The following CALN1 variants were observed in gnomAD, a reference collection of about 807,000 sequenced individuals.
CALN1 encodes the protein calcium-binding protein 8.
CALN1 carries 17 observed loss-of-function variants against 30.6 expected under a neutral mutation model. The ratio of observed to expected loss-of-function variants is 0.56; its 90% CI spans 0.38 to 0.83. The LOEUF (loss-of-function observed/expected upper bound fraction) is 0.83. Among genes scored for constraint, CALN1 ranks in the 40% least tolerant of loss-of-function variants. The pLI is 0.00. For synonymous variants in CALN1, 156 were observed against 131.4 expected (o/e 1.19, Z -1.28); for missense variants, 291 against 354.9 (o/e 0.82, Z 1.45).
chr7:71,840,957 GA>G (rs55849991), intron 5 of CALN1, among the ~76,000 whole-genome samples: 46,610 of 144,518 alleles, frequency 0.32, 7,750 homozygotes, highest in Middle Eastern at 0.47. Context: ...TTTTTCTTTG[GA>G]AAAAAAAAAA....
chr7:72,125,799 CTTTTTT>C (rs61475416), intron 3 of CALN1, among the ~76,000 whole-genome samples: 3 of 114,772 alleles, frequency 2.6e-5, no homozygotes, highest in African/African-American at 6.7e-5. Context: ...CTGTATCATT[CTTTTTT>C]TTTTTTTTTT....
At chr7:72,344,245 T>G (rs1000600189) in intron 2 of CALN1, among the ~76,000 whole-genome samples, 1 of 152,222 alleles carries the variant, frequency 6.6e-6, no homozygotes, top group African/African-American at 2.4e-5. Flanking sequence ...ACCCCCACCA[T>G]GGGCTATCTG....
chr7:72,247,288 A>C (rs1795254560), intron 3 of CALN1, among the ~76,000 whole-genome samples: 1 of 115,248 alleles, frequency 8.7e-6, no homozygotes, highest in African/African-American at 3.5e-5. Flanking sequence ...TCACTCTGTC[A>C]CCCAGGCTGG....
At chr7:72,060,432 G>C (rs1439186281) in intron 4 of CALN1, among the ~76,000 whole-genome samples, 2 of 152,132 alleles carry the variant, frequency 1.3e-5, no homozygotes, top group African/African-American at 4.8e-5. Context: ...ATAAATGGTA[G>C]TACCAAGGAG....
At chr7:71,883,280 T>G (rs1792695465) in intron 5 of CALN1, among the ~76,000 whole-genome samples, 1 of 152,152 alleles carries the variant, frequency 6.6e-6, no homozygotes, top group Admixed American at 6.6e-5. Context: ...AATAACTGAA[T>G]GAACAATTAT....
At chr7:71,999,854 C>T (rs187100805) in intron 5 of CALN1, among the ~76,000 whole-genome samples, 5 of 151,818 alleles carry the variant, frequency 3.3e-5, no homozygotes, top group African/African-American at 7.3e-5. Flanking sequence ...TTCACCAAGA[C>T]AGATAATATA....
intron 1 of CALN1, among the ~76,000 whole-genome samples, chr7:72,411,428 T>C (rs1318294233): frequency 6.6e-6 from 1 of 152,290 alleles, no homozygotes; most frequent in South Asian, 2.1e-4. Context: ...GCTGTAAATA[T>C]AACAATTTTA....
intron 5 of CALN1, among the ~76,000 whole-genome samples, chr7:71,953,793 T>C (rs989798669): frequency 6.6e-6 from 1 of 152,000 alleles, no homozygotes; most frequent in Non-Finnish European, 1.5e-5. Context: ...ATGGGGCAGA[T>C]GCTCTGATGG....
chr7:72,218,878 A>T (rs1793050646), intron 3 of CALN1, among the ~76,000 whole-genome samples: 1 of 152,154 alleles, frequency 6.6e-6, no homozygotes, highest in African/African-American at 2.4e-5. Flanking sequence ...GGCTATCTTC[A>T]TCTAATCTGA....
chr7:71,855,909 A>G (rs965871776), intron 5 of CALN1, among the ~76,000 whole-genome samples: 9 of 151,962 alleles, frequency 5.9e-5, no homozygotes, highest in Non-Finnish European at 7.4e-5. Flanking sequence ...TTTTTCATTT[A>G]TTTTATTTTG....
At chr7:71,858,944 T>A (rs1159790117) in intron 5 of CALN1, among the ~76,000 whole-genome samples, 1 of 152,184 alleles carries the variant, frequency 6.6e-6, no homozygotes, top group African/African-American at 2.4e-5. Context: ...ACTTTCTAAA[T>A]TGACTGAGAC....
chr7:72,122,638 A>G (rs1808477293), intron 3 of CALN1, among the ~76,000 whole-genome samples: 1 of 152,078 alleles, frequency 6.6e-6, no homozygotes, highest in African/African-American at 2.4e-5. Flanking sequence ...AGGTGGGGGG[A>G]TCACTTGAGC....
At chr7:72,304,606 C>T (rs1032385615) in intron 2 of CALN1, among the ~76,000 whole-genome samples, 3 of 152,126 alleles carry the variant, frequency 2.0e-5, no homozygotes, top group Non-Finnish European at 2.9e-5. Context: ...GGTATAGCTG[C>T]CAGCGTCTCT....
intron 5 of CALN1, among the ~76,000 whole-genome samples, chr7:71,935,560 T>C (rs1795783888): frequency 6.6e-6 from 1 of 152,106 alleles, no homozygotes; most frequent in Admixed American, 6.5e-5. Context: ...CTGTCTCTAC[T>C]AAAAATACCA....
the CALN1 span, among the ~76,000 whole-genome samples, chr7:72,477,928 A>C: frequency 6.6e-6 from 1 of 152,118 alleles, no homozygotes; most frequent in Non-Finnish European, 1.5e-5. Flanking sequence ...CCTTTGTTCC[A>C]GTTACATTCG....
intron 3 of CALN1, among the ~76,000 whole-genome samples, chr7:72,268,595 C>G (rs537213283): frequency 6.6e-6 from 1 of 152,082 alleles, no homozygotes; most frequent in Non-Finnish European, 1.5e-5. Flanking sequence ...CCCTTGAGCC[C>G]AGGCGTTCAA....
chr7:72,424,298 T>A (rs1261181061), intron 1 of CALN1, among the ~76,000 whole-genome samples: 1 of 152,142 alleles, frequency 6.6e-6, no homozygotes, highest in African/African-American at 2.4e-5. Flanking sequence ...TTATGAGGAC[T>A]TCCAGTTACT....
At chr7:72,219,774 C>G (rs1225947837) in intron 3 of CALN1, among the ~76,000 whole-genome samples, 1 of 152,054 alleles carries the variant, frequency 6.6e-6, no homozygotes, top group Non-Finnish European at 1.5e-5. Flanking sequence ...GAATAGGAAA[C>G]TGCATATAAT....
chr7:72,141,567 C>A (rs932075714), intron 3 of CALN1, among the ~76,000 whole-genome samples: 1 of 152,060 alleles, frequency 6.6e-6, no homozygotes, highest in East Asian at 1.9e-4. Flanking sequence ...ATGATGCTAA[C>A]ATCACCATTT....
Sources: allele counts gnomAD v4.1 joint callset (sites outside exome capture counted in the v4.1 genomes callset), GRCh38; gene constraint gnomAD v4.1.1; transcripts MANE v1.5; gene names NCBI Gene and HGNC (gene_info 2026-07-23, HGNC 2026-07-21).